OVOL2: variants seen among roughly 807,000 people sequenced by gnomAD.
The protein encoded by OVOL2 is ovo like zinc finger 2, also known as transcription factor Ovo-like 2.
OVOL2 carries 13 observed loss-of-function variants against 18.1 expected under a neutral mutation model. The observed-to-expected ratio is 0.72, with a 90% CI of 0.47 to 1.14. The LOEUF (loss-of-function observed/expected upper bound fraction) is 1.14, where lower values mean the gene tolerates loss of function less well. Among genes scored for constraint, OVOL2 ranks in the 50% most tolerant of loss-of-function variants. The probability of loss-of-function intolerance (pLI) is 0.00; values close to 1 mark genes in which losing one functional copy is unlikely to be tolerated. For synonymous variants in OVOL2, 166 were observed against 162.7 expected (o/e 1.02, Z -0.16); for missense variants, 335 against 383.0 (o/e 0.87, Z 1.05).
At chr20:18,054,782 AGAAAG>A (rs1333697276) in intron 2 of OVOL2, among the ~76,000 whole-genome samples, 117 of 123,172 alleles carry the variant, frequency 9.5e-4, no homozygotes, top group African/African-American at 3.7e-3. Flanking sequence ...AAAAAAAAAA[AGAAAG>A]AAAAGAAAAG....
intron 3 of OVOL2, among the ~76,000 whole-genome samples, chr20:18,039,958 T>C (rs1201337578): frequency 6.6e-6 from 1 of 152,150 alleles, no homozygotes; most frequent in East Asian, 1.9e-4. Context: ...CGGGTCTTGC[T>C]CTCTTGTCCA....
At chr20:18,054,009 C>G (rs915925256) in intron 2 of OVOL2, among the ~76,000 whole-genome samples, 3 of 152,166 alleles carry the variant, frequency 2.0e-5, no homozygotes, top group Non-Finnish European at 4.4e-5. Context: ...AGGACACTTT[C>G]CCCACTCAAA....
At chr20:18,025,881 T>C (rs1378091526) in intron 3 of OVOL2, among the ~76,000 whole-genome samples, 1 of 152,258 alleles carries the variant, frequency 6.6e-6, no homozygotes, top group African/African-American at 2.4e-5. Context: ...CCAGCACTTC[T>C]GCCTGCCTTG....
rs2036822169 is a variant in OVOL2 at position 18,056,161 on chromosome 20, C to CTAT, written c.321+493_321+495dup. The stretch of plus-strand genomic sequence containing the variant: ...ACCGGTTCATGTTGGGAGAGGCCCA[C>CTAT]TATGTGTCAAGCTGCCGCCCAGGTC... On this transcript the variant is annotated intron_variant, in intron 2 of 3. Coordinates refer to ENST00000278780, the MANE Select transcript of OVOL2 (RefSeq NM_021220.4). The surrounding 1 kb of genome is among the most constrained non-coding windows in gnomAD (Gnocchi z 4.2). 6.6e-6 allele frequency among the ~76,000 whole-genome samples: 1 copy of CTAT among 152,206 alleles called. No homozygotes were observed. The highest frequency in any genetic ancestry group is 2.4e-5 in the African/African-American group (1 of 41,446).
At chr20:18,035,704 A>G (rs911796809) in intron 3 of OVOL2, among the ~76,000 whole-genome samples, 1 of 152,174 alleles carries the variant, frequency 6.6e-6, no homozygotes. Context: ...CTGGTCTTTT[A>G]TTACATGGAG....
intron 3 of OVOL2, among the ~76,000 whole-genome samples, chr20:18,031,319 A>G (rs980639884): frequency 1.3e-5 from 2 of 152,188 alleles, no homozygotes; most frequent in Non-Finnish European, 1.5e-5. Flanking sequence ...TAAGTTCTCA[A>G]TGGGATACAG....
intron 2 of OVOL2, among the ~76,000 whole-genome samples, chr20:18,052,669 TA>T (rs1183540122): frequency 6.6e-6 from 1 of 152,186 alleles, no homozygotes; most frequent in African/African-American, 2.4e-5. Context: ...GAGAGCCGGG[TA>T]AAAGGCCAAG....
intron 2 of OVOL2, among the ~76,000 whole-genome samples, chr20:18,054,406 T>C (rs1224568266): frequency 6.6e-6 from 1 of 152,160 alleles, no homozygotes; most frequent in African/African-American, 2.4e-5. Context: ...AGGCAATAGC[T>C]CAAACCTGCC....
At chr20:18,050,887 T>C (rs956375923) in intron 2 of OVOL2, 4 of 152,240 alleles carry the variant, frequency 2.6e-5, no homozygotes, top group Admixed American at 6.5e-5. Context: ...GAGAAGTCAG[T>C]TGGCCAAATG....
At chr20:18,043,017 C>T (rs1424909689) in intron 2 of OVOL2, among the ~76,000 whole-genome samples, 3 of 152,116 alleles carry the variant, frequency 2.0e-5, no homozygotes, top group African/African-American at 7.2e-5. Flanking sequence ...TGGACTAAGA[C>T]AGCATGGCCA....
chr20:18,049,557 C>CA, intron 2 of OVOL2, among the ~76,000 whole-genome samples: 1 of 150,708 alleles, frequency 6.6e-6, no homozygotes, highest in African/African-American at 2.4e-5. Flanking sequence ...AGATTCCCCC[C>CA]CCGATCCTAT....
intron 3 of OVOL2, among the ~76,000 whole-genome samples, chr20:18,026,775 G>T (rs1040155647): frequency 6.6e-6 from 1 of 152,130 alleles, no homozygotes; most frequent in South Asian, 2.1e-4. Context: ...TCTGGTTGTG[G>T]TCTTGCCTGA....
intron 3 of OVOL2, among the ~76,000 whole-genome samples, chr20:18,035,500 C>A (rs769687095): frequency 2.6e-5 from 4 of 152,158 alleles, no homozygotes; most frequent in Non-Finnish European, 4.4e-5. Flanking sequence ...GACCAAATTC[C>A]CACTGAATTC....
rs73899378 is a variant in OVOL2 at position 18,025,064 on chromosome 20, G to A, written c.512-112C>T. The stretch of plus-strand genomic sequence containing the variant: ...TGACCAAGGATTCATGGCAGCATGA[G>A]GACAATGGTTACAGCAGGAGAGAAA... On this transcript the variant is annotated intron_variant, in intron 3 of 3. Coordinates refer to ENST00000278780, the MANE Select transcript of OVOL2 (RefSeq NM_021220.4). The A allele has an allele frequency of 6.3e-4, 799 of 1,276,718 alleles. 6 individuals are homozygous for A. The African/African-American group carries it at 0.011, about 17-fold the overall frequency. 79.1% of individuals were successfully genotyped at this position (1,276,718 alleles called of 1,614,324 possible).
chr20:18,037,290 T>C (rs2036624741), intron 3 of OVOL2, among the ~76,000 whole-genome samples: 1 of 152,198 alleles, frequency 6.6e-6, no homozygotes, highest in Admixed American at 6.5e-5. Context: ...GCCAGCCAGT[T>C]CTGGTTCCCA....
intron 2 of OVOL2, among the ~76,000 whole-genome samples, chr20:18,045,254 A>G (rs1030873029): frequency 1.3e-5 from 2 of 152,238 alleles, no homozygotes; most frequent in Non-Finnish European, 2.9e-5. Flanking sequence ...TCTAAAGACC[A>G]AGTGTGCACA....
upstream of OVOL2, among the ~76,000 whole-genome samples, chr20:18,058,362 G>A (rs556392629): frequency 1.7e-4 from 26 of 152,066 alleles, no homozygotes; most frequent in Admixed American, 4.6e-4. Flanking sequence ...TTAATAATGG[G>A]GGGTGGGGGC....
chr20:18,056,828 G>T lies in OVOL2; in HGVS notation c.150C>A (p.Asp50Glu). 1 of 1,491,420 alleles carries T rather than the reference G, an allele frequency of 6.7e-7. No individual in the cohort carries two copies. Among genetic ancestry groups the T allele is most frequent in the East Asian group, 2.9e-5 (1 of 35,052 alleles). 92.4% of individuals were successfully genotyped at this position (1,491,420 alleles called of 1,614,324 possible). A position where few individuals can be genotyped will look rare whatever the true frequency, so the allele number is the denominator to read the frequency against. ...LHDPPEDCRS[D>E]GGSSSGSGSS... is the part of the protein sequence containing the mutation. ...TGCCGCTGCCGCTGCTGCTGCCGCC[G>T]TCGCTGCGGCAGTCCTCGGGGGGGT... The change falls in exon 2 of 4, where the codon GAC becomes GAA. Residue 50 changes from aspartate (D) to glutamate (E), a missense_variant. Transcript: ENST00000278780. The surrounding 1 kb of genome is among the most constrained non-coding windows in gnomAD (Gnocchi z 4.2).
At chr20:18,041,164 C>CT (rs113914015) in intron 3 of OVOL2, among the ~76,000 whole-genome samples, 20,550 of 151,082 alleles carry the variant, frequency 0.14, 2,206 homozygotes, top group African/African-American at 0.3. Context: ...TGTGATCTTT[C>CT]TTTTTTTTTC....
Sources: allele counts gnomAD v4.1 joint callset (sites outside exome capture counted in the v4.1 genomes callset), GRCh38; gene constraint gnomAD v4.1.1; non-coding constraint Gnocchi (gnomAD v3.1); transcripts MANE v1.5; gene names NCBI Gene and HGNC (gene_info 2026-07-23, HGNC 2026-07-21).